The following SETD1B variants were observed in gnomAD, a reference collection of about 807,000 sequenced individuals.
SETD1B encodes the protein SET domain containing 1B, histone lysine methyltransferase, also known as histone-lysine N-methyltransferase SETD1B.
SETD1B carries 7 observed loss-of-function variants against 148.0 expected under a neutral mutation model. That is an observed-to-expected ratio of 0.05 (90% CI 0.03 to 0.09). The LOEUF is 0.09. Ranked by LOEUF, SETD1B falls within the 10% of genes least tolerant of loss-of-function variation. The pLI is 1.00. For synonymous variants in SETD1B, 1,361 were observed against 1,186.5 expected (o/e 1.15, Z -3.02); for missense variants, 2,155 against 2,729.9 (o/e 0.79, Z 4.69).
In SETD1B at chr12:121,814,958, G is replaced by T. The variant is rs12427154; in HGVS notation, c.2715+28G>T. The T allele has an allele frequency of 6.0e-5, 90 of 1,511,064 alleles. No individual in the cohort carries two copies. The African/African-American group carries it at 1.1e-3, about 19-fold the overall frequency. The allele number at this position is 1,511,064 out of a possible 1,614,324, so 93.6% of individuals were successfully genotyped here. Reference sequence around the variant, plus strand: ...GGGTGGGTGGGTGCAGGGCTCTGCAGGGTGGCTGTGGAGGGGGGCAGGTCC... The same window carrying T: ...GGGTGGGTGGGTGCAGGGCTCTGCATGGTGGCTGTGGAGGGGGGCAGGTCC... On this transcript the variant is annotated intron_variant, in intron 7 of 16. Transcript: ENST00000604567.
chr12:121,825,444 C>T, intron 13 of SETD1B, 78 bp downstream of exon 13: 1 of 1,408,154 alleles, frequency 7.1e-7, no homozygotes, highest in Non-Finnish European at 9.5e-7. Context: ...GGAGGGGTGC[C>T]AGGCAGAGGG....
chr12:121,815,993 G>A (rs1876277379), intron 7 of SETD1B, among the ~76,000 whole-genome samples: 1 of 151,214 alleles, frequency 6.6e-6, no homozygotes, highest in African/African-American at 2.4e-5. Context: ...ATGCCTGGCT[G>A]ATTTTTGTAT....
chr12:121,809,734 G>A lies in SETD1B; in HGVS notation c.789G>A (p.Leu263=). The part of the protein sequence containing the change: ...SQDTAYSSCR[L]DTPNSYGQGT... ...ACACAGCTTATTCCAGCTGCCGCCTGGACACACCCAACTCCTATGGACAGG... is the reference window on the plus strand; with the variant it reads ...ACACAGCTTATTCCAGCTGCCGCCTAGACACACCCAACTCCTATGGACAGG... Residue 263 remains leucine, a synonymous_variant, in exon 6 of 17, where the codon CTG becomes CTA. Coordinates refer to ENST00000604567, the MANE Select transcript of SETD1B (RefSeq NM_001353345.2). 1.9e-6 allele frequency: 3 copies of A among 1,551,548 alleles called. No individual in the cohort carries two copies. The highest frequency in any genetic ancestry group is 1.7e-6 in the Non-Finnish European group (2 of 1,146,980).
Position 121,805,688 on chromosome 12 carries a change from AATTTT to A in SETD1B, c.274-146_274-142del. 1 of 667,580 alleles carries A rather than the reference AATTTT, an allele frequency of 1.5e-6. No individual in the cohort carries two copies. The highest frequency in any genetic ancestry group is 2.1e-6 in the Non-Finnish European group (1 of 487,360). The allele number at this position is 667,580 out of a possible 1,614,324, so 41.4% of individuals were successfully genotyped here. On this transcript the variant is annotated intron_variant, in intron 3 of 16. Transcript: ENST00000604567. The surrounding 1 kb of genome is among the most constrained non-coding windows in gnomAD (Gnocchi z 4.2). ...GCGTGCATTTTTTTTTTCCAAAAAA[AATTTT>A]TTTTTTTTTTTTAATTTTTAGTTTT...
chr12:121,817,641 G>C lies in SETD1B; in HGVS notation c.3249G>C (p.Glu1083Asp). 1 of 1,551,282 alleles carries C rather than the reference G, an allele frequency of 6.4e-7. No individual in the cohort carries two copies. The highest frequency in any genetic ancestry group is 2.0e-5 in the Admixed American group (1 of 51,014). ...AGGAGGAAGAGGAGGCGGAGGAGGA[G>C]GAGGAGGAGGAAGTCCCCAGGAGCC... is the stretch of plus-strand genomic sequence containing the variant. ...STEEEEEAEE[E>D]EEEEVPRSQL... The change falls in exon 9 of 17, where the codon GAG (glutamate) becomes GAC (aspartate). Residue 1083 changes from glutamate to aspartate, a missense_variant. By Grantham distance (45) the Glu-to-Asp change is conservative (BLOSUM62 2). Transcript: ENST00000604567. This position sits in a 1 kb window ranked among gnomAD's most constrained non-coding sequence, Gnocchi z 8.1.
In SETD1B at chr12:121,817,588, G is replaced by A. The variant is rs376732753; in HGVS notation, c.3196G>A (p.Asp1066Asn). 161 of 1,551,306 alleles carry A rather than the reference G, an allele frequency of 1.0e-4. No homozygotes were observed. The African/African-American group carries it at 1.9e-3, about 18-fold the overall frequency. The change falls in exon 9 of 17, where the codon GAC (aspartate) becomes AAC (asparagine). Residue 1066 changes from aspartate (D) to asparagine (N), a missense_variant. By Grantham distance (23) the Asp-to-Asn change is conservative (BLOSUM62 1). Coordinates refer to ENST00000604567, the MANE Select transcript of SETD1B (RefSeq NM_001353345.2). This position sits in a 1 kb window ranked among gnomAD's most constrained non-coding sequence, Gnocchi z 8.1. ...STTSPSSSAS[D>N]KEEEQESTEE... The stretch of plus-strand genomic sequence containing the variant: ...CACCTCACCCTCGTCCTCGGCCTCC[G>A]ACAAGGAGGAGGAACAGGAGAGCAC...
In SETD1B at chr12:121,832,589, A is replaced by G. The variant is rs890154466; in HGVS notation, c.*2350A>G. On this transcript the variant is annotated 3_prime_UTR_variant, in exon 17 of 17. Transcript: ENST00000604567. ...TTGTTCATATTTTTGTGAATTCAAT[A>G]CTATGTACCATTGTATTATAGTAAC... 1.1e-4 allele frequency: 25 copies of G among 227,244 alleles called. No individual in the cohort carries two copies. The highest frequency in any genetic ancestry group is 5.7e-4 in the African/African-American group (24 of 42,172). The allele number at this position is 227,244 out of a possible 1,614,324, so 14.1% of individuals were successfully genotyped here.
chr12:121,822,431 G>A (rs1876601777), intron 11 of SETD1B, 59 bp from the exon 12 acceptor site: 15 of 1,476,796 alleles, frequency 1.0e-5, no homozygotes, highest in African/African-American at 1.4e-5. Flanking sequence ...ACAAAATAAG[G>A]CACTGAGAGA....
rs539649660 is a variant in SETD1B at position 121,830,133 on chromosome 12, A to C, written c.5795A>C (p.His1932Pro). 1.9e-6 allele frequency: 3 copies of C among 1,551,528 alleles called. No individual in the cohort carries two copies. The highest frequency in any genetic ancestry group is 2.4e-5 in the East Asian group (1 of 40,902). The change falls in exon 17 of 17, where the codon CAC becomes CCC. Residue 1932 changes from histidine (H) to proline (P), a missense_variant. By Grantham distance (77) the His-to-Pro change is moderately conservative. Transcript: ENST00000604567. This position sits in a 1 kb window ranked among gnomAD's most constrained non-coding sequence, Gnocchi z 5.7. ...QKKIVIYSKQ[H>P]INVNEEITYD... is the part of the protein sequence containing the mutation. ...AAGATAGTCATCTACTCGAAGCAGCACATTAACGTCAATGAGGAGATTACC... is the reference window on the plus strand; with the variant it reads ...AAGATAGTCATCTACTCGAAGCAGCCCATTAACGTCAATGAGGAGATTACC...
chr12:121,793,698 G>A, the SETD1B span: 2 of 1,398,896 alleles, frequency 1.4e-6, no homozygotes, highest in Non-Finnish European at 1.9e-6. Flanking sequence ...GGTCGGGGGC[G>A]GGGCGGGGCC....
chr12:121,790,202 C>A, the SETD1B span, among the ~76,000 whole-genome samples: 1 of 152,246 alleles, frequency 6.6e-6, no homozygotes, highest in Non-Finnish European at 1.5e-5. Context: ...CGGCCCCTGC[C>A]CAGGACCAGC....
At chr12:121,793,080 G>C in the SETD1B span, 46 of 1,324,870 alleles carry the variant, frequency 3.5e-5, no homozygotes, top group Non-Finnish European at 4.7e-5. Flanking sequence ...GACACCCAGT[G>C]GGGGACGCCC....
intron 11 of SETD1B, 88 bp downstream of exon 11, chr12:121,819,983 C>A (rs375485406): frequency 8.9e-7 from 1 of 1,126,212 alleles, no homozygotes. Context: ...TGGGGTAGAT[C>A]GCTGACCGTC....
chr12:121,796,429 A>C, the SETD1B span, among the ~76,000 whole-genome samples: 2 of 152,236 alleles, frequency 1.3e-5, no homozygotes, highest in African/African-American at 4.8e-5. Flanking sequence ...GCAGGGGCCC[A>C]GCCACTGCTG....
Position 121,823,638 on chromosome 12 carries a change from G to T in SETD1B, c.5059G>T (p.Gly1687Cys), listed in dbSNP as rs553963413. The change falls in exon 12 of 17, where the codon GGT (glycine) becomes TGT (cysteine). Residue 1687 changes from glycine (G) to cysteine (C), a missense_variant. Gly to Cys is a radical substitution (Grantham distance 159). Coordinates refer to ENST00000604567, the MANE Select transcript of SETD1B (RefSeq NM_001353345.2). Reference sequence around the variant, plus strand: ...GACCATCCTGTATGACATCTGGAACGGTGGCATCGATGAGGAGGACATCCG... The same window carrying T: ...GACCATCCTGTATGACATCTGGAACTGTGGCATCGATGAGGAGGACATCCG... ...EMTILYDIWN[G>C]GIDEEDIRFL... The T allele has an allele frequency of 6.4e-7, 1 of 1,551,592 alleles. No homozygotes were observed. The highest frequency in any genetic ancestry group is 8.7e-7 in the Non-Finnish European group (1 of 1,146,992).
the SETD1B span, among the ~76,000 whole-genome samples, chr12:121,798,996 T>C: frequency 6.6e-6 from 1 of 152,176 alleles, no homozygotes; most frequent in African/African-American, 2.4e-5. Context: ...CAAAATGTGT[T>C]CCCAGACCAC....
rs1875859367 is a variant in SETD1B, at chr12:121,808,577, C to T, written c.657+257C>T. Among the ~76,000 whole-genome samples the T allele has an allele frequency of 6.6e-6, 1 of 152,260 alleles. No homozygotes were observed. The highest frequency in any genetic ancestry group is 1.5e-5 in the Non-Finnish European group (1 of 68,040). Reference sequence around the variant, plus strand: ...TTCTGTTTCCTGTGGCTTCTCCCCTCCCCAGCACAGGCTGTGATTCCCACA... The same window carrying T: ...TTCTGTTTCCTGTGGCTTCTCCCCTTCCCAGCACAGGCTGTGATTCCCACA... On this transcript the variant is annotated intron_variant, in intron 5 of 16. Coordinates refer to ENST00000604567, the MANE Select transcript of SETD1B (RefSeq NM_001353345.2). The surrounding 1 kb of genome is among the most constrained non-coding windows in gnomAD (Gnocchi z 5.3).
At chr12:121,827,480 C>T (rs765257096) in intron 13 of SETD1B, 39 bp from the exon 14 acceptor site, 5 of 1,498,154 alleles carry the variant, frequency 3.3e-6, no homozygotes, top group East Asian at 2.5e-5. Flanking sequence ...GCCGAGGACA[C>T]GGCCAGCTCC....
chr12:121,808,310 A>C lies in SETD1B; in HGVS notation c.647A>C (p.Glu216Ala), dbSNP rs1397606582. 1 of 1,549,480 alleles carries C rather than the reference A, an allele frequency of 6.5e-7. No individual in the cohort carries two copies. The highest frequency in any genetic ancestry group is 2.0e-5 in the Admixed American group (1 of 50,858). Residue 216 changes from glutamate to alanine, a missense_variant, in exon 5 of 17, where the codon GAG (glutamate) becomes GCG (alanine). Coordinates refer to ENST00000604567, the MANE Select transcript of SETD1B (RefSeq NM_001353345.2). The surrounding 1 kb of genome is among the most constrained non-coding windows in gnomAD (Gnocchi z 5.3). ...GACGCTGTCTCTCCAATCGTGAATG[A>C]GACCCTGCAGGTGGGTTTATGGCCG... ...ELDAVSPIVN[E>A]TLQLSDALKR...
Sources: gnomAD v4.1 joint callset for allele counts (sites outside exome capture counted in the v4.1 genomes callset) on GRCh38, gnomAD v4.1.1 for gene constraint, Gnocchi (gnomAD v3.1) non-coding constraint, MANE v1.5 for transcripts, NCBI Gene and HGNC (gene_info 2026-07-23, HGNC 2026-07-21) for gene names.